Variants in BICDL1 observed in about 807,000 individuals in gnomAD.
BICDL1 encodes BICD family-like cargo adapter 1.
BICDL1 carries 20 observed loss-of-function variants against 76.8 expected under a neutral mutation model. The ratio of observed to expected loss-of-function variants is 0.26; its 90% CI spans 0.18 to 0.38. BICDL1 has a LOEUF of 0.38. Among genes scored for constraint, BICDL1 ranks in the 10% least tolerant of loss-of-function variants. The pLI, the probability that BICDL1 is intolerant of heterozygous loss-of-function variation, is 1.00. For synonymous variants in BICDL1, 383 were observed against 337.1 expected, an observed-to-expected ratio of 1.14 and a Z score of -1.49; for missense variants, 700 against 798.6, an observed-to-expected ratio of 0.88 and a Z score of 1.49.
At chr12:120,054,716 A>C (rs1262479930) in intron 2 of BICDL1, among the ~76,000 whole-genome samples, 2 of 152,054 alleles carry the variant, frequency 1.3e-5, no homozygotes, top group Non-Finnish European at 2.9e-5. Flanking sequence ...ATCTCTACTA[A>C]AAATGCAAAA....
chr12:120,076,643 T>C (rs1873567930), intron 7 of BICDL1, among the ~76,000 whole-genome samples: 1 of 152,210 alleles, frequency 6.6e-6, no homozygotes, highest in Admixed American at 6.5e-5. Context: ...GTTCACCAAG[T>C]GGAAGGTTGT....
chr12:120,020,526 T>A (rs562919449), intron 2 of BICDL1, among the ~76,000 whole-genome samples: 2 of 151,390 alleles, frequency 1.3e-5, no homozygotes, highest in African/African-American at 4.8e-5. Context: ...AGGAGCAACC[T>A]TTTTTTTTAA....
intron 2 of BICDL1, among the ~76,000 whole-genome samples, chr12:120,053,410 T>C (rs981735612): frequency 6.6e-6 from 1 of 152,202 alleles, no homozygotes; most frequent in Non-Finnish European, 1.5e-5. Context: ...ACATTTATCC[T>C]GTAAGGGAGA....
At chr12:120,077,727 A>G (rs1173072271) in intron 7 of BICDL1, among the ~76,000 whole-genome samples, 1 of 152,046 alleles carries the variant, frequency 6.6e-6, no homozygotes, top group Non-Finnish European at 1.5e-5. Context: ...CTCCTGCCCT[A>G]TTTCAAGACC....
intron 2 of BICDL1, among the ~76,000 whole-genome samples, chr12:120,050,009 T>C (rs1952822755): frequency 6.6e-6 from 1 of 152,258 alleles, no homozygotes; most frequent in Admixed American, 6.5e-5. Flanking sequence ...CTTATGAGTA[T>C]GTAGTGGTAT....
chr12:120,047,417 A>G (rs1325433564), intron 2 of BICDL1, among the ~76,000 whole-genome samples: 2 of 152,186 alleles, frequency 1.3e-5, no homozygotes, highest in Non-Finnish European at 2.9e-5. Context: ...CCTTCATGCA[A>G]ATTGTATCTT....
chr12:120,002,355 G>A (rs1951775148), intron 2 of BICDL1, among the ~76,000 whole-genome samples: 1 of 152,088 alleles, frequency 6.6e-6, no homozygotes. Flanking sequence ...AACGTGTTGG[G>A]GTTTTCTTAC....
Position 120,094,132 on chromosome 12 carries a change from C to A in BICDL1, c.*971C>A. On this transcript the variant is annotated 3_prime_UTR_variant, in exon 10 of 10. Transcript: ENST00000548673. Reference sequence around the variant, plus strand: ...GGCTGCCGGAAGCCTCCAGATGCTGCCTGCCTGCCTGCAGAAGCCTGCAGT... The same window carrying A: ...GGCTGCCGGAAGCCTCCAGATGCTGACTGCCTGCCTGCAGAAGCCTGCAGT... 2.3e-6 allele frequency: 1 copy of A among 438,002 alleles called. No homozygotes were observed. The highest frequency in any genetic ancestry group is 4.6e-6 in the Non-Finnish European group (1 of 215,648). 27.1% of individuals were successfully genotyped at this position (438,002 alleles called of 1,614,324 possible).
chr12:119,989,468 A>AGCAGCG lies in BICDL1; in HGVS notation c.-396_-395insGGCAGC, dbSNP rs1555277948. On this transcript the variant is annotated 5_prime_UTR_variant, in exon 1 of 10. Transcript: ENST00000548673. ...GCGCTGCCCGGCCGGCGGCGGCAGC[A>AGCAGCG]GCAGCAGCAGCGGCAGCGGCAACAG... Among the ~76,000 whole-genome samples the AGCAGCG allele has an allele frequency of 1.3e-4, 19 of 147,804 alleles. No individual in the cohort carries two copies. The highest frequency in any genetic ancestry group is 4.8e-4 in the African/African-American group (19 of 39,356).
At chr12:120,069,514 G>GT (rs1872926549) in intron 4 of BICDL1, among the ~76,000 whole-genome samples, 1 of 152,274 alleles carries the variant, frequency 6.6e-6, no homozygotes, top group East Asian at 1.9e-4. Flanking sequence ...CTTCACAAGG[G>GT]TTTTCGGAAA....
intron 2 of BICDL1, among the ~76,000 whole-genome samples, chr12:120,052,254 C>G (rs1332053542): frequency 2.1e-5 from 3 of 143,124 alleles, no homozygotes; most frequent in African/African-American, 5.1e-5. Context: ...CCCCGCCCCT[C>G]CCCTCCCCTT....
In BICDL1 at chr12:120,071,342, A is replaced by G. The variant is rs936372152; in HGVS notation, c.910-280A>G. Reference sequence around the variant, plus strand: ...TTTTTAGTAGAGGCAGGGTTTCATCATGTTGGCCAGGCTGGTCTCATACTC... The same window carrying G: ...TTTTTAGTAGAGGCAGGGTTTCATCGTGTTGGCCAGGCTGGTCTCATACTC... On this transcript the variant is annotated intron_variant, in intron 4 of 9. Transcript: ENST00000548673. This position sits in a 1 kb window ranked among gnomAD's most constrained non-coding sequence, Gnocchi z 4.8. Among the ~76,000 whole-genome samples the G allele has an allele frequency of 6.6e-6, 1 of 151,670 alleles. No homozygotes were observed. Among genetic ancestry groups the G allele is most frequent in the South Asian group, 2.1e-4 (1 of 4,802 alleles).
rs1019163445 is a variant in BICDL1 at position 120,079,014 on chromosome 12, G to A, written c.1453-1873G>A. Among the ~76,000 whole-genome samples, 14 of 152,206 alleles carry A rather than the reference G, an allele frequency of 9.2e-5. No individual in the cohort carries two copies. The highest frequency in any genetic ancestry group is 1.5e-4 in the Non-Finnish European group (10 of 68,020). On this transcript the variant is annotated intron_variant, in intron 7 of 9. Coordinates refer to ENST00000548673, the MANE Select transcript of BICDL1 (RefSeq NM_001367886.1). This position sits in a 1 kb window ranked among gnomAD's most constrained non-coding sequence, Gnocchi z 4.3. ...TCTGCCCTGGTGCCTTGTCTGCCTC[G>A]GGGCTAGATGCATGTGTGTGCTGGG... is the stretch of plus-strand genomic sequence containing the variant.
intron 1 of BICDL1, among the ~76,000 whole-genome samples, chr12:119,991,832 A>G (rs1951530643): frequency 6.6e-6 from 1 of 152,188 alleles, no homozygotes; most frequent in African/African-American, 2.4e-5. Flanking sequence ...GCCTTTATAC[A>G]TTTCTTCAAC....
intron 2 of BICDL1, among the ~76,000 whole-genome samples, chr12:120,048,866 G>A (rs962150725): frequency 2.6e-5 from 4 of 151,882 alleles, no homozygotes; most frequent in Non-Finnish European, 5.9e-5. Context: ...CTAGTTTCTT[G>A]GAGATTTTTT....
chr12:120,052,133 G>A lies in BICDL1; in HGVS notation c.646-9577G>A, dbSNP rs921635613. Among the ~76,000 whole-genome samples the A allele has an allele frequency of 4.8e-4, 73 of 151,890 alleles. 1 individual carries two copies. The highest frequency in any genetic ancestry group is 1.7e-3 in the African/African-American group (70 of 41,334). On this transcript the variant is annotated intron_variant, in intron 2 of 9. Transcript: ENST00000548673. ...TTTTTTTTGTATTTTTAGTAGAGAC[G>A]GGTTTTCACTATGTTGGCCAGGCTG...
chr12:120,074,377 C>T, intron 6 of BICDL1, 66 bp from the exon 7 acceptor site: 2 of 998,748 alleles, frequency 2.0e-6, no homozygotes, highest in Non-Finnish European at 2.4e-6. Context: ...AACCATCTCT[C>T]TCCCCCTTCC....
At chr12:120,081,453 C>T (rs867778434) in intron 8 of BICDL1, among the ~76,000 whole-genome samples, 8 of 148,118 alleles carry the variant, frequency 5.4e-5, no homozygotes, top group Middle Eastern at 3.6e-3. Flanking sequence ...TGGGTTTAAG[C>T]GATTCTCCTG....
At chr12:120,001,762 A>C (rs60590470) in intron 2 of BICDL1, among the ~76,000 whole-genome samples, 5 of 150,522 alleles carry the variant, frequency 3.3e-5, no homozygotes, top group African/African-American at 1.2e-4. Context: ...AAAGGGTACA[A>C]TTTGGGGCTT....
Sources: allele counts gnomAD v4.1 joint callset (sites outside exome capture counted in the v4.1 genomes callset), GRCh38; gene constraint gnomAD v4.1.1; non-coding constraint Gnocchi (gnomAD v3.1); transcripts MANE v1.5; gene names NCBI Gene and HGNC (gene_info 2026-07-23, HGNC 2026-07-21).